Variants in RBFOX1 observed in about 807,000 individuals in gnomAD.
RBFOX1 encodes the protein RNA binding protein fox-1 homolog 1.
A neutral mutation model predicts 57.7 loss-of-function variants in RBFOX1; 8 were observed. The ratio of observed to expected loss-of-function variants is 0.14; its 90% confidence interval spans 0.08 to 0.25. The LOEUF (loss-of-function observed/expected upper bound fraction) is 0.25, where lower values mean the gene tolerates loss of function less well. RBFOX1 is among the 10% of genes least tolerant of loss of function. RBFOX1 has a pLI of 1.00. For missense variants in RBFOX1, 611 were observed against 548.5 expected, an observed-to-expected ratio of 1.11 and a Z score of -1.14; for synonymous variants, 326 against 222.4, an observed-to-expected ratio of 1.47 and a Z score of -4.15.
chr16:6,716,885 G>A (rs933414216), intron 3 of RBFOX1, among the ~76,000 whole-genome samples: 1 of 152,138 alleles, frequency 6.6e-6, no homozygotes, highest in African/African-American at 2.4e-5. Flanking sequence ...ATCCATACAT[G>A]GAAATCCTAA....
chr16:7,043,299 C>G (rs117122222), intron 3 of RBFOX1, among the ~76,000 whole-genome samples: 2 of 152,130 alleles, frequency 1.3e-5, no homozygotes, highest in African/African-American at 4.8e-5. Context: ...CCTGTATCAT[C>G]ATCATTATTT....
At chr16:5,973,737 A>C (rs2060008506) in intron 4 of RBFOX1, among the ~76,000 whole-genome samples, 2 of 152,180 alleles carry the variant, frequency 1.3e-5, no homozygotes, top group African/African-American at 2.4e-5. Flanking sequence ...TTGTTTATTC[A>C]TTCTTTGTTC....
chr16:7,035,920 C>A (rs1022494841), intron 3 of RBFOX1, among the ~76,000 whole-genome samples: 1 of 152,082 alleles, frequency 6.6e-6, no homozygotes, highest in African/African-American at 2.4e-5. Flanking sequence ...CAACAGTCAC[C>A]ACCACCACCC....
At chr16:6,065,918 G>T (rs760136920) in intron 1 of RBFOX1, among the ~76,000 whole-genome samples, 132 of 152,320 alleles carry the variant, frequency 8.7e-4, no homozygotes, top group Non-Finnish European at 1.6e-3. Context: ...GCCTGCCAGT[G>T]TCAACAGAAG....
At chr16:6,754,894 C>G (rs1425637294) in intron 3 of RBFOX1, among the ~76,000 whole-genome samples, 1 of 151,984 alleles carries the variant, frequency 6.6e-6, no homozygotes. Context: ...GTGATGTTCC[C>G]CTTGCTGTGT....
intron 11 of RBFOX1, among the ~76,000 whole-genome samples, chr16:7,638,206 T>C (rs139594440): frequency 8.9e-4 from 135 of 152,310 alleles, no homozygotes; most frequent in African/African-American, 3.1e-3. Flanking sequence ...TAGTGGTTAT[T>C]GGGCACTCAC....
chr16:6,734,340 C>T (rs1030662751), intron 3 of RBFOX1, among the ~76,000 whole-genome samples: 1 of 152,146 alleles, frequency 6.6e-6, no homozygotes, highest in African/African-American at 2.4e-5. Context: ...CCTCTGGGCT[C>T]AGTTTTGAAT....
At chr16:7,633,031 T>A (rs2061233754) in intron 11 of RBFOX1, among the ~76,000 whole-genome samples, 1 of 152,016 alleles carries the variant, frequency 6.6e-6, no homozygotes, top group African/African-American at 2.4e-5. Flanking sequence ...AGAGAGAAAA[T>A]GAAACCATCT....
At chr16:7,000,283 A>G (rs1235699514) in intron 3 of RBFOX1, among the ~76,000 whole-genome samples, 2 of 152,106 alleles carry the variant, frequency 1.3e-5, no homozygotes, top group Non-Finnish European at 2.9e-5. Flanking sequence ...ACACATTTTT[A>G]AAGTTTTATT....
intron 1 of RBFOX1, among the ~76,000 whole-genome samples, chr16:6,227,110 C>A (rs190048939): frequency 1.3e-5 from 2 of 151,448 alleles, no homozygotes; most frequent in Non-Finnish European, 2.9e-5. Context: ...GGTGACAGGG[C>A]GAGACTCTGT....
At chr16:6,675,918 AT>A (rs1720385603) in intron 3 of RBFOX1, among the ~76,000 whole-genome samples, 5 of 147,628 alleles carry the variant, frequency 3.4e-5, no homozygotes, top group Admixed American at 2.7e-4. Flanking sequence ...GGGATGTGGT[AT>A]TTGTCCAGGC....
In RBFOX1 at chr16:6,680,194, G is replaced by A. The variant is rs151140908; in HGVS notation, c.-16+25544G>A. 5.9e-5 allele frequency among the ~76,000 whole-genome samples: 9 copies of A among 151,780 alleles called. No homozygotes were observed. In the East Asian group the frequency reaches 1.2e-3, roughly 20 times the overall value. The stretch of plus-strand genomic sequence containing the variant: ...TAGAATAGCAATTTCGTATGGAGCT[G>A]CGCATATATTCAGTAAGTGGTCGAA... On this transcript the variant is annotated intron_variant, in intron 3 of 15. Coordinates refer to ENST00000550418, the MANE Select transcript of RBFOX1 (RefSeq NM_018723.4).
At chr16:5,551,130 A>G (rs1395519065) in intron 2 of RBFOX1, among the ~76,000 whole-genome samples, 2 of 152,140 alleles carry the variant, frequency 1.3e-5, no homozygotes, top group African/African-American at 2.4e-5. Context: ...TTTCCCTTCT[A>G]ACCTCTTGAG....
At chr16:6,665,458 A>G (rs950294623) in intron 3 of RBFOX1, among the ~76,000 whole-genome samples, 2 of 152,126 alleles carry the variant, frequency 1.3e-5, no homozygotes, top group African/African-American at 4.8e-5. Context: ...TGCTAAAAAT[A>G]AAAAATATAA....
intron 4 of RBFOX1, among the ~76,000 whole-genome samples, chr16:7,100,987 C>T (rs1382479): frequency 0.58 from 88,850 of 151,934 alleles, 26,246 homozygotes; most frequent in African/African-American, 0.66. Context: ...TTTGAGGAAA[C>T]ACTCAGAGAT....
At chr16:7,635,011 G>T (rs2061537692) in intron 11 of RBFOX1, among the ~76,000 whole-genome samples, 1 of 152,138 alleles carries the variant, frequency 6.6e-6, no homozygotes, top group Non-Finnish European at 1.5e-5. Context: ...CTTGGTATGT[G>T]GACTGTTCAT....
intron 1 of RBFOX1, among the ~76,000 whole-genome samples, chr16:6,085,726 C>T (rs574126054): frequency 3.3e-5 from 5 of 152,200 alleles, no homozygotes; most frequent in East Asian, 3.9e-4. Flanking sequence ...CAGCCCGTGG[C>T]GCTTAAATTC....
chr16:5,727,788 C>A (rs574292367), intron 3 of RBFOX1, among the ~76,000 whole-genome samples: 1 of 152,076 alleles, frequency 6.6e-6, no homozygotes. Context: ...TCTGGATTCA[C>A]GTGATCCTCC....
intron 4 of RBFOX1, among the ~76,000 whole-genome samples, chr16:7,364,011 C>T (rs1274250352): frequency 6.6e-6 from 1 of 152,106 alleles, no homozygotes; most frequent in Non-Finnish European, 1.5e-5. Context: ...ACAGCAAGAT[C>T]GTATTTGTAG....
Sources: gnomAD v4.1 joint callset for allele counts (sites outside exome capture counted in the v4.1 genomes callset) on GRCh38, gnomAD v4.1.1 for gene constraint, MANE v1.5 for transcripts, NCBI Gene and HGNC (gene_info 2026-07-23, HGNC 2026-07-21) for gene names.